CRLF2: variants seen among roughly 807,000 people sequenced by gnomAD.
CRLF2 encodes cytokine receptor like factor 2.
CRLF2 carries 41 observed loss-of-function variants against 38.7 expected under a neutral mutation model. The ratio of observed to expected loss-of-function variants is 1.06; its 90% CI spans 0.83 to 1.37. The LOEUF is 1.37. Ranked by LOEUF, CRLF2 falls within the 40% of genes most tolerant of loss-of-function variation. The probability of loss-of-function intolerance (pLI) is 0.00; values close to 1 mark genes in which losing one functional copy is unlikely to be tolerated. For synonymous variants in CRLF2, 140 were observed against 128.8 expected (o/e 1.09, Z -0.59); for missense variants, 377 against 322.2 (o/e 1.17, Z -1.30).
chrX:1,198,967 G>T, intron 4 of CRLF2: 1 of 558,202 alleles, frequency 1.8e-6, no homozygotes, highest in Non-Finnish European at 3.2e-6. Flanking sequence ...TGGCCAACAT[G>T]GAGAAACCCC....
At chrX:1,197,042 T>C (rs1400890438) in intron 5 of CRLF2, 142 bp from the exon 6 acceptor site, 2 of 697,318 alleles carry the variant, frequency 2.9e-6, no homozygotes, top group Admixed American at 7.2e-5. Context: ...CGTTGTTTGT[T>C]TTTTGTTTTG....
At chrX:1,192,971 G>C (rs1197639075) in intron 7 of CRLF2, among the ~76,000 whole-genome samples, 3 of 151,364 alleles carry the variant, frequency 2.0e-5, no homozygotes, top group East Asian at 2.0e-4. Flanking sequence ...GAGCCAGCAC[G>C]CCCGGCTAAT....
At chrX:1,212,494 G>T (rs2086822827) in intron 1 of CRLF2, 62 bp downstream of exon 1, 1 of 1,074,456 alleles carries the variant, frequency 9.3e-7, no homozygotes, top group Non-Finnish European at 1.4e-6. Context: ...AATAAAGAGT[G>T]CCTGGTTGCA....
chrX:1,197,449 G>T (rs1481776832), intron 5 of CRLF2, among the ~76,000 whole-genome samples: 52 of 152,006 alleles, frequency 3.4e-4, no homozygotes, highest in African/African-American at 1.0e-3. Context: ...CTGGTTGCTG[G>T]AGGTGTTTAC....
At chrX:1,200,316 T>G (rs1255394576) in intron 4 of CRLF2, among the ~76,000 whole-genome samples, 1 of 111,888 alleles carries the variant, frequency 8.9e-6, no homozygotes, top group African/African-American at 2.9e-5. Context: ...TGTGCACATA[T>G]GTGTGTATAT....
chrX:1,197,134 C>A (rs1429842477), intron 5 of CRLF2, among the ~76,000 whole-genome samples: 1 of 134,370 alleles, frequency 7.4e-6, no homozygotes, highest in South Asian at 2.3e-4. Context: ...ACTCTGTTGC[C>A]CAGGCTGGAG....
chrX:1,206,614 G>C lies in CRLF2; in HGVS notation c.183-15C>G. On this transcript the variant is annotated splice_polypyrimidine_tract_variant and intron_variant, in intron 2 of 7. Transcript: ENST00000400841. ...CACCGTTGAATCTGTGGTTTAAAAC[G>C]ATGACCATTCAGCAACAAAACAAAA... 1 of 1,610,564 alleles carries C rather than the reference G, an allele frequency of 6.2e-7. No individual in the cohort carries two copies. Among genetic ancestry groups the C allele is most frequent in the Admixed American group, 1.7e-5 (1 of 59,726 alleles).
intron 1 of CRLF2, 137 bp downstream of exon 1, chrX:1,212,418 GA>G (rs369256719): frequency 0.067 from 28,414 of 424,144 alleles, 2 homozygotes; most frequent in East Asian, 0.087. Context: ...CTTGAACCCG[GA>G]AAAAAAAAAA....
At chrX:1,209,779 G>C (rs2086763044) in intron 1 of CRLF2, among the ~76,000 whole-genome samples, 1 of 151,946 alleles carries the variant, frequency 6.6e-6, no homozygotes, top group South Asian at 2.1e-4. Context: ...CCACCTTACT[G>C]TCTTTCTCAA....
At chrX:1,201,151 T>C (rs1176962140) in intron 4 of CRLF2, among the ~76,000 whole-genome samples, 2 of 152,062 alleles carry the variant, frequency 1.3e-5, no homozygotes, top group East Asian at 3.8e-4. Context: ...AAAAATATGG[T>C]ATAGAAGAAA....
At position 1,190,685 on chromosome X, in the gene CRLF2, T is replaced by C. The variant is rs1387340651; in HGVS notation, c.*212A>G. On this transcript the variant is annotated 3_prime_UTR_variant, in exon 8 of 8. Transcript: ENST00000400841. ...TGGAGCAATTGGCTCCCATCTGCCA[T>C]CAAGCCTTTGAACACAGAGACTCAT... 2 of 397,318 alleles carry C rather than the reference T, an allele frequency of 5.0e-6. No individual in the cohort carries two copies. The highest frequency in any genetic ancestry group is 8.9e-6 in the Non-Finnish European group (2 of 225,874). 24.6% of individuals were successfully genotyped at this position (397,318 alleles called of 1,614,324 possible).
intron 4 of CRLF2, among the ~76,000 whole-genome samples, chrX:1,200,311 A>C (rs1469211296): frequency 1.7e-5 from 2 of 119,438 alleles, no homozygotes; most frequent in South Asian, 6.7e-4. Context: ...TAAGCTGTGC[A>C]CATATGTGTG....
At chrX:1,204,804 G>T (rs1463109636) in intron 3 of CRLF2, among the ~76,000 whole-genome samples, 1 of 146,378 alleles carries the variant, frequency 6.8e-6, no homozygotes, top group East Asian at 2.0e-4. Flanking sequence ...CGGGATTACA[G>T]GGGTAAGCCA....
In CRLF2 at chrX:1,206,494, A is replaced by G. The variant is rs1376714417; in HGVS notation, c.288T>C (p.Tyr96=). 4 of 1,613,498 alleles carry G rather than the reference A, an allele frequency of 2.5e-6. No homozygotes were observed. Among genetic ancestry groups the G allele is most frequent in the Non-Finnish European group, 3.4e-6 (4 of 1,179,616 alleles). The part of the protein sequence containing the change: ...LDAEQRDDIL[Y]FSIRNGTHPV... ...GGTGCGTCCCATTCCTGATGGAGAA[A>G]TAGAGAATGTCGTCTCGCTGCTCTG... Residue 96 remains tyrosine (Y), a synonymous_variant, in exon 3 of 8, where the codon TAT becomes TAC. Coordinates refer to ENST00000400841, the MANE Select transcript of CRLF2 (RefSeq NM_022148.4).
In CRLF2 at chrX:1,197,541, C is replaced by T. The variant is rs190247173; in HGVS notation, c.647-641G>A. ...CTGAAAACATACGTCAAAGGCCGGG[C>T]GCGGTGGCTCACGCCTTTAATCCCA... On this transcript the variant is annotated intron_variant, in intron 5 of 7. Coordinates refer to ENST00000400841, the MANE Select transcript of CRLF2 (RefSeq NM_022148.4). Among the ~76,000 whole-genome samples, 87 of 152,136 alleles carry T rather than the reference C, an allele frequency of 5.7e-4. 1 individual carries two copies. Among genetic ancestry groups the T allele is most frequent in the Admixed American group, 4.3e-3 (66 of 15,258 alleles).
At chrX:1,202,845 G>A (rs1445004239) in intron 3 of CRLF2, among the ~76,000 whole-genome samples, 7 of 152,022 alleles carry the variant, frequency 4.6e-5, no homozygotes, top group African/African-American at 1.4e-4. Context: ...GAATGGAACT[G>A]TATTTAAAAA....
At chrX:1,208,454 G>A (rs1319160092) in intron 2 of CRLF2, among the ~76,000 whole-genome samples, 2 of 152,090 alleles carry the variant, frequency 1.3e-5, no homozygotes, top group Middle Eastern at 3.2e-3. Context: ...AGCTACTCGG[G>A]AGGCTGAGGC....
At chrX:1,207,162 T>C (rs2086705857) in intron 2 of CRLF2, among the ~76,000 whole-genome samples, 2 of 152,008 alleles carry the variant, frequency 1.3e-5, no homozygotes, top group African/African-American at 4.8e-5. Context: ...ACCAGGCTGG[T>C]CTCGATCTCC....
chrX:1,192,177 C>T (rs2086394596), intron 7 of CRLF2, among the ~76,000 whole-genome samples: 1 of 131,160 alleles, frequency 7.6e-6, no homozygotes, highest in South Asian at 2.6e-4. Context: ...TGCACTCCAG[C>T]CTGGGCGACA....
Sources: gnomAD v4.1 joint callset for allele counts (sites outside exome capture counted in the v4.1 genomes callset) on GRCh38, gnomAD v4.1.1 for gene constraint, MANE v1.5 for transcripts, NCBI Gene and HGNC (gene_info 2026-07-23, HGNC 2026-07-21) for gene names.